The following CCBE1 variants were observed in gnomAD, a reference collection of about 807,000 sequenced individuals.
The protein encoded by CCBE1 is collagen and calcium-binding EGF domain-containing protein 1.
A neutral mutation model predicts 50.0 loss-of-function variants in CCBE1; 37 were observed. That is an observed-to-expected ratio of 0.74 (90% CI 0.57 to 0.97). The LOEUF is 0.97. Ranked by LOEUF, CCBE1 falls within the 50% of genes least tolerant of loss-of-function variation. CCBE1 has a pLI of 0.00. For missense variants in CCBE1, 538 were observed against 523.8 expected, an observed-to-expected ratio of 1.03 and a Z score of -0.26; for synonymous variants, 234 against 203.7, an observed-to-expected ratio of 1.15 and a Z score of -1.27.
chr18:59,499,429 G>A (rs1301846561), intron 2 of CCBE1, among the ~76,000 whole-genome samples: 2 of 152,138 alleles, frequency 1.3e-5, no homozygotes, highest in Non-Finnish European at 2.9e-5. Flanking sequence ...CTGAGACTAA[G>A]TAATTTATAC....
At chr18:59,538,687 A>G (rs1266614619) in intron 2 of CCBE1, among the ~76,000 whole-genome samples, 1 of 152,212 alleles carries the variant, frequency 6.6e-6, no homozygotes, top group African/African-American at 2.4e-5. Context: ...TGCTGGTGAC[A>G]TTTATAGGCA....
In CCBE1 at chr18:59,480,182, A is replaced by C. The variant is rs1186788333; in HGVS notation, c.265+4T>G. On this transcript the variant is annotated splice_donor_region_variant and intron_variant, in intron 3 of 10. Transcript: ENST00000439986. ...TCAGACAATATCTTTTTTATATTAC[A>C]TACCTTCTGGGATGCATTGTCCAAG... is the stretch of plus-strand genomic sequence containing the variant. 2 of 1,571,714 alleles carry C rather than the reference A, an allele frequency of 1.3e-6. No individual in the cohort carries two copies. Among genetic ancestry groups the C allele is most frequent in the African/African-American group, 2.7e-5 (2 of 74,000 alleles).
chr18:59,592,234 C>T (rs913973508), intron 2 of CCBE1, among the ~76,000 whole-genome samples: 4 of 151,780 alleles, frequency 2.6e-5, no homozygotes, highest in African/African-American at 4.8e-5. Context: ...GTCTGCGTCT[C>T]GAAAAAACAA....
chr18:59,560,422 G>A (rs1025172921), intron 2 of CCBE1, among the ~76,000 whole-genome samples: 15 of 152,156 alleles, frequency 9.9e-5, no homozygotes, highest in African/African-American at 3.6e-4. Context: ...ACACAGGAAG[G>A]GGAACATCAC....
intron 2 of CCBE1, among the ~76,000 whole-genome samples, chr18:59,553,372 G>A (rs911880628): frequency 6.6e-6 from 1 of 152,186 alleles, no homozygotes; most frequent in Non-Finnish European, 1.5e-5. Context: ...GACCCTGAGA[G>A]GTTGTTACAG....
At chr18:59,462,026 C>A (rs1471737456) in intron 5 of CCBE1, among the ~76,000 whole-genome samples, 2 of 151,954 alleles carry the variant, frequency 1.3e-5, no homozygotes, top group African/African-American at 4.8e-5. Context: ...GAGCTACCAT[C>A]CCCGGCTGCC....
At chr18:59,499,941 G>T (rs1185856811) in intron 2 of CCBE1, among the ~76,000 whole-genome samples, 1 of 152,154 alleles carries the variant, frequency 6.6e-6, no homozygotes, top group East Asian at 1.9e-4. Flanking sequence ...ATCTTCCTAG[G>T]GATTGGAGTT....
At chr18:59,529,529 T>C (rs1914966601) in intron 2 of CCBE1, among the ~76,000 whole-genome samples, 1 of 152,134 alleles carries the variant, frequency 6.6e-6, no homozygotes, top group Non-Finnish European at 1.5e-5. Flanking sequence ...GTTGCACAGA[T>C]CTGTGGAAAA....
intron 2 of CCBE1, among the ~76,000 whole-genome samples, chr18:59,516,459 C>T (rs979055884): frequency 9.2e-5 from 14 of 152,168 alleles, no homozygotes; most frequent in South Asian, 4.2e-4. Flanking sequence ...GTCAAGTGGC[C>T]GATAGTAGCT....
intron 2 of CCBE1, among the ~76,000 whole-genome samples, chr18:59,612,139 A>G (rs183516754): frequency 3.8e-4 from 58 of 152,324 alleles, no homozygotes; most frequent in African/African-American, 1.1e-3. Flanking sequence ...GAACAGGTTA[A>G]GAGCCACTGG....
intron 2 of CCBE1, among the ~76,000 whole-genome samples, chr18:59,503,856 AG>A (rs1397924905): frequency 2.0e-5 from 3 of 152,192 alleles, no homozygotes; most frequent in Non-Finnish European, 2.9e-5. Flanking sequence ...GTTCCTGGAC[AG>A]GCCCTCATCT....
intron 2 of CCBE1, among the ~76,000 whole-genome samples, chr18:59,561,790 A>G (rs2052743004): frequency 6.6e-6 from 1 of 152,156 alleles, no homozygotes; most frequent in South Asian, 2.1e-4. Flanking sequence ...CCCTGAAGGC[A>G]AGGGAGAGCC....
intron 2 of CCBE1, among the ~76,000 whole-genome samples, chr18:59,645,124 C>G (rs534594770): frequency 6.6e-6 from 1 of 151,950 alleles, no homozygotes. Flanking sequence ...TGTGGTGGCA[C>G]ACGCCTGTAA....
At chr18:59,563,973 T>C (rs1281926298) in intron 2 of CCBE1, 2 of 152,026 alleles carry the variant, frequency 1.3e-5, no homozygotes, top group Non-Finnish European at 2.9e-5. Context: ...AGAATAACCA[T>C]CTGGAGTGAT....
chr18:59,505,959 T>C (rs985994088), intron 2 of CCBE1, among the ~76,000 whole-genome samples: 1 of 152,190 alleles, frequency 6.6e-6, no homozygotes, highest in Non-Finnish European at 1.5e-5. Flanking sequence ...TTGGGAACCA[T>C]GGCGGCAGGT....
chr18:59,504,260 T>A (rs1003077808), intron 2 of CCBE1, among the ~76,000 whole-genome samples: 1 of 152,238 alleles, frequency 6.6e-6, no homozygotes, highest in African/African-American at 2.4e-5. Context: ...ATAGATTTTT[T>A]AAATTACACT....
chr18:59,645,753 T>G (rs557295719), intron 2 of CCBE1, among the ~76,000 whole-genome samples: 2 of 152,140 alleles, frequency 1.3e-5, no homozygotes, highest in African/African-American at 4.8e-5. Flanking sequence ...AAAGACAGGC[T>G]GGGCGCGGTG....
chr18:59,434,838 T>C lies in CCBE1; in HGVS notation c.*1070A>G, dbSNP rs984130661. On this transcript the variant is annotated 3_prime_UTR_variant, in exon 11 of 11. Transcript: ENST00000439986. ...TTGGTTGGCTCCAGACAAAAACTTG[T>C]AATACCCAAGGAGAAAAAATTTACC... 2.6e-5 allele frequency: 4 copies of C among 152,168 alleles called. No individual in the cohort carries two copies. The highest frequency in any genetic ancestry group is 9.7e-5 in the African/African-American group (4 of 41,442). 9.4% of individuals were successfully genotyped at this position (152,168 alleles called of 1,614,324 possible).
In CCBE1 at chr18:59,528,940, A is replaced by T. The variant is rs77746960; in HGVS notation, c.213-48702T>A. Among the ~76,000 whole-genome samples the T allele has an allele frequency of 4.4e-3, 668 of 152,240 alleles. 5 individuals are homozygous for T. The highest frequency in any genetic ancestry group is 0.015 in the African/African-American group (638 of 41,544). ...TTGGGGGAGGGGTTCTCACCCAGTC[A>T]GGAGTCATGAGATCAGGGACCTGCT... On this transcript the variant is annotated intron_variant, in intron 2 of 10. Transcript: ENST00000439986.
Sources: gnomAD v4.1 joint callset for allele counts (sites outside exome capture counted in the v4.1 genomes callset) on GRCh38, gnomAD v4.1.1 for gene constraint, MANE v1.5 for transcripts, NCBI Gene and HGNC (gene_info 2026-07-23, HGNC 2026-07-21) for gene names.